The following KIAA1671 variants were observed in gnomAD, a reference collection of about 807,000 sequenced individuals.
KIAA1671 encodes KIAA1671.
In KIAA1671, 52 loss-of-function variants were observed where a neutral mutation model predicts 131.2. The ratio of observed to expected loss-of-function variants is 0.40; its 90% CI spans 0.32 to 0.50. KIAA1671 has a LOEUF of 0.50. Among genes scored for constraint, KIAA1671 ranks in the 20% least tolerant of loss-of-function variants. KIAA1671 has a pLI of 0.73. For synonymous variants in KIAA1671, 1,003 were observed against 961.6 expected (o/e 1.04, Z -0.80); for missense variants, 2,360 against 2,364.2 (o/e 1.00, Z 0.04).
At chr22:25,122,697 G>A (rs1352163054) in intron 6 of KIAA1671, among the ~76,000 whole-genome samples, 4 of 152,184 alleles carry the variant, frequency 2.6e-5, no homozygotes, top group South Asian at 4.1e-4. Flanking sequence ...ATTATTGGCC[G>A]GTTGCAGTGG....
At chr22:25,112,105 C>G (rs1931391603) in intron 6 of KIAA1671, 2 of 398,204 alleles carry the variant, frequency 5.0e-6, no homozygotes, top group East Asian at 7.1e-5. Context: ...TCCAAAGAGG[C>G]AAGAGGACAC....
intron 6 of KIAA1671, among the ~76,000 whole-genome samples, chr22:25,099,129 C>T (rs142178355): frequency 1.3e-5 from 2 of 152,320 alleles, no homozygotes; most frequent in Non-Finnish European, 2.9e-5. Context: ...GCCACTAAGC[C>T]GCTGCACAAT....
At chr22:25,157,176 A>T (rs888016349) in intron 6 of KIAA1671, among the ~76,000 whole-genome samples, 4 of 152,216 alleles carry the variant, frequency 2.6e-5, no homozygotes, top group African/African-American at 7.2e-5. Context: ...TTCAAAATGT[A>T]CTTTTTATAT....
rs137890971 is a variant in KIAA1671, at chr22:24,990,299, C to T, written c.-207-35334C>T. On this transcript the variant is annotated intron_variant, in intron 1 of 12. Coordinates refer to ENST00000358431, the MANE Select transcript of KIAA1671 (RefSeq NM_001145206.2). ...AGAGACAGGGTTTCACTCTGTTGGC[C>T]ATGCTGGTCTCGAACTCATGACCTC... is the stretch of plus-strand genomic sequence containing the variant. 2.1e-3 allele frequency among the ~76,000 whole-genome samples: 325 copies of T among 152,226 alleles called. 9 individuals are homozygous for T. Among genetic ancestry groups the T allele is most frequent in the Admixed American group, 0.015 (236 of 15,294 alleles).
chr22:25,092,918 TGGAG>T (rs1046635615), intron 6 of KIAA1671, among the ~76,000 whole-genome samples: 4 of 152,088 alleles, frequency 2.6e-5, no homozygotes, highest in Non-Finnish European at 5.9e-5. Flanking sequence ...CCCCCTGCAC[TGGAG>T]GGAGTCAGGG....
At chr22:25,004,536 TC>T (rs1278969221) in intron 1 of KIAA1671, among the ~76,000 whole-genome samples, 16 of 152,296 alleles carry the variant, frequency 1.1e-4, no homozygotes, top group African/African-American at 3.6e-4. Flanking sequence ...AAAGTCTCTC[TC>T]CCATCCTTGT....
chr22:25,125,152 T>C (rs1220526090), intron 6 of KIAA1671, among the ~76,000 whole-genome samples: 1 of 152,172 alleles, frequency 6.6e-6, no homozygotes, highest in Non-Finnish European at 1.5e-5. Context: ...ATCTAGGCCA[T>C]CTGGGAAGAT....
At chr22:24,956,788 C>T (rs938046687) in intron 1 of KIAA1671, among the ~76,000 whole-genome samples, 2 of 149,482 alleles carry the variant, frequency 1.3e-5, no homozygotes, top group Non-Finnish European at 2.9e-5. Context: ...AGGAGAATGG[C>T]GTGAACTGGC....
chr22:25,142,180 G>T (rs544778019), intron 6 of KIAA1671, among the ~76,000 whole-genome samples: 4 of 152,128 alleles, frequency 2.6e-5, no homozygotes, highest in Non-Finnish European at 5.9e-5. Flanking sequence ...AGGGGTTGGG[G>T]GCACTGTGTA....
chr22:24,959,344 A>G (rs1921892721), intron 1 of KIAA1671, among the ~76,000 whole-genome samples: 1 of 150,634 alleles, frequency 6.6e-6, no homozygotes, highest in Admixed American at 6.6e-5. Context: ...CATCTCTACT[A>G]AAAAAAAATA....
intron 6 of KIAA1671, among the ~76,000 whole-genome samples, chr22:25,107,755 A>T (rs1441291408): frequency 2.6e-5 from 4 of 151,920 alleles, no homozygotes; most frequent in Admixed American, 2.6e-4. Flanking sequence ...TCATGCCTGT[A>T]ATCCCAGCAC....
rs73879188 is a variant in KIAA1671 at position 25,044,349 on chromosome 22, T to C, written c.4395+2824T>C. ...TCTGTCCCTACCTGCAGGCTGATGT[T>C]GTGGTAACAGTGGAAGAAGGAAGAG... On this transcript the variant is annotated intron_variant, in intron 5 of 12. Coordinates refer to ENST00000358431, the MANE Select transcript of KIAA1671 (RefSeq NM_001145206.2). Among the ~76,000 whole-genome samples, 462 of 152,334 alleles carry C rather than the reference T, an allele frequency of 3.0e-3. 3 individuals are homozygous for C. Among genetic ancestry groups the C allele is most frequent in the African/African-American group, 0.011 (437 of 41,574 alleles).
intron 6 of KIAA1671, among the ~76,000 whole-genome samples, chr22:25,168,991 A>G (rs1019302158): frequency 6.6e-6 from 1 of 152,142 alleles, no homozygotes; most frequent in Non-Finnish European, 1.5e-5. Flanking sequence ...GATGATATGA[A>G]GCATATTCCA....
At chr22:25,085,224 C>T (rs1929641691) in intron 6 of KIAA1671, among the ~76,000 whole-genome samples, 1 of 152,240 alleles carries the variant, frequency 6.6e-6, no homozygotes, top group Non-Finnish European at 1.5e-5. Context: ...TTTTCTCAGT[C>T]CTCTCAGCAG....
chr22:25,170,907 A>T lies in KIAA1671; in HGVS notation c.4618A>T (p.Thr1540Ser). The change falls in exon 7 of 13, where the codon ACG becomes TCG. Residue 1540 changes from threonine (T) to serine (S), a missense_variant. Physicochemically the swap from Thr to Ser is moderately conservative, Grantham distance 58 (BLOSUM62 1). This residue lies in a region of KIAA1671 where 1,161 missense variants were observed against 1,204.7 expected (regional missense o/e 0.96). Transcript: ENST00000358431. ...GCACGAAGCCGGCAGCCAGTATGGGACGTGGACAGAGCAGTGCCAGAGTGG... is the reference window on the plus strand; with the variant it reads ...GCACGAAGCCGGCAGCCAGTATGGGTCGTGGACAGAGCAGTGCCAGAGTGG... ...LVHEAGSQYG[T>S]WTEQCQSGES... 1.3e-6 allele frequency: 2 copies of T among 1,551,644 alleles called. No homozygotes were observed. The highest frequency in any genetic ancestry group is 1.7e-6 in the Non-Finnish European group (2 of 1,147,004).
intron 6 of KIAA1671, among the ~76,000 whole-genome samples, chr22:25,076,149 C>T (rs1929098614): frequency 6.6e-6 from 1 of 152,112 alleles, no homozygotes; most frequent in South Asian, 2.1e-4. Context: ...AAGTTTGTAA[C>T]CATGATATTT....
At position 25,036,641 on chromosome 22, in the gene KIAA1671, G is replaced by A. The variant is rs1022109325; in HGVS notation, c.1630-2119G>A. Reference sequence around the variant, plus strand: ...AACAAAAATGATTTGAACTTTGGCCGGGCGTGGTGGCTCACACCTGTAATC... The same window carrying A: ...AACAAAAATGATTTGAACTTTGGCCAGGCGTGGTGGCTCACACCTGTAATC... On this transcript the variant is annotated intron_variant, in intron 4 of 12. Coordinates refer to ENST00000358431, the MANE Select transcript of KIAA1671 (RefSeq NM_001145206.2). Among the ~76,000 whole-genome samples, 828 of 152,086 alleles carry A rather than the reference G, an allele frequency of 5.4e-3. 10 individuals carry two copies. The highest frequency in any genetic ancestry group is 0.019 in the African/African-American group (799 of 41,498).
intron 6 of KIAA1671, among the ~76,000 whole-genome samples, chr22:25,108,022 G>T (rs2145907618): frequency 6.6e-6 from 1 of 152,078 alleles, no homozygotes; most frequent in South Asian, 2.1e-4. Context: ...AAAAATTATA[G>T]ATATCAGTAC....
chr22:25,156,925 G>A (rs1171621278), intron 6 of KIAA1671, among the ~76,000 whole-genome samples: 1 of 152,184 alleles, frequency 6.6e-6, no homozygotes, highest in Non-Finnish European at 1.5e-5. Context: ...TCCTCAACAG[G>A]TTTACACGTA....
Sources: gnomAD v4.1 joint callset for allele counts (sites outside exome capture counted in the v4.1 genomes callset) on GRCh38, gnomAD v4.1.1 for gene constraint, gnomAD v4.1.1 regional missense constraint, MANE v1.5 for transcripts, NCBI Gene and HGNC (gene_info 2026-07-23, HGNC 2026-07-21) for gene names.